Variants in PDGFD observed in about 807,000 individuals in gnomAD.
PDGFD encodes the protein platelet derived growth factor D.
In PDGFD, 30 loss-of-function variants were observed where a neutral mutation model predicts 44.7. The ratio of observed to expected loss-of-function variants is 0.67; its 90% confidence interval spans 0.50 to 0.91. The LOEUF (loss-of-function observed/expected upper bound fraction) is 0.91, where lower values mean the gene tolerates loss of function less well. Among genes scored for constraint, PDGFD ranks in the 40% least tolerant of loss-of-function variants. PDGFD has a pLI of 0.00. For synonymous variants in PDGFD, 173 were observed against 168.4 expected, an observed-to-expected ratio of 1.03 and a Z score of -0.21; for missense variants, 445 against 457.8, an observed-to-expected ratio of 0.97 and a Z score of 0.25.
intron 1 of PDGFD, among the ~76,000 whole-genome samples, chr11:104,011,408 A>T (rs1389367845): frequency 2.0e-5 from 3 of 152,128 alleles, no homozygotes; most frequent in Non-Finnish European, 4.4e-5. Context: ...ATAAATTTTT[A>T]TTAAATTGTA....
chr11:103,918,134 C>T (rs1443899222), intron 6 of PDGFD, among the ~76,000 whole-genome samples: 1 of 151,972 alleles, frequency 6.6e-6, no homozygotes, highest in Non-Finnish European at 1.5e-5. Context: ...GAAGGAATAC[C>T]CTAAGAAAGT....
chr11:104,120,807 T>A (rs1452759174), intron 1 of PDGFD, among the ~76,000 whole-genome samples: 3 of 151,994 alleles, frequency 2.0e-5, no homozygotes, highest in African/African-American at 4.8e-5. Context: ...TTTTTCCCAC[T>A]ATCCTGTCAC....
intron 3 of PDGFD, among the ~76,000 whole-genome samples, chr11:103,968,743 AT>A (rs1178863047): frequency 6.6e-6 from 1 of 152,132 alleles, no homozygotes; most frequent in Non-Finnish European, 1.5e-5. Context: ...CAAAAGCAAA[AT>A]CGAAACATAC....
In PDGFD at chr11:103,926,799, C is replaced by A. The variant is rs1858322098; in HGVS notation, c.987+113G>T. On this transcript the variant is annotated intron_variant, in intron 6 of 6. Transcript: ENST00000393158. ...GGTAGAATTTCTGCTCCTAATCAAA[C>A]CCTGGCTGGGTGCCCTTGTGCAGTG... 3 of 1,128,084 alleles carry A rather than the reference C, an allele frequency of 2.7e-6. No individual in the cohort carries two copies. The East Asian group carries it at 7.7e-5, about 29-fold the overall frequency. 69.9% of individuals were successfully genotyped at this position (1,128,084 alleles called of 1,614,324 possible).
At chr11:104,092,563 C>T (rs567029080) in intron 1 of PDGFD, among the ~76,000 whole-genome samples, 14 of 152,138 alleles carry the variant, frequency 9.2e-5, no homozygotes, top group Non-Finnish European at 1.5e-4. Context: ...GATTACTAGA[C>T]ATCTCTGCCA....
chr11:103,947,306 C>G (rs1321773294), intron 4 of PDGFD, among the ~76,000 whole-genome samples: 4 of 152,140 alleles, frequency 2.6e-5, no homozygotes, highest in Non-Finnish European at 5.9e-5. Context: ...TATTCGAAAG[C>G]TATTTTGAAA....
chr11:104,003,085 C>G (rs1365071964), intron 1 of PDGFD, among the ~76,000 whole-genome samples: 1 of 152,134 alleles, frequency 6.6e-6, no homozygotes, highest in Non-Finnish European at 1.5e-5. Context: ...AAGAATGGTT[C>G]TTGTCTTCGT....
intron 3 of PDGFD, among the ~76,000 whole-genome samples, chr11:103,978,369 G>A (rs1859214644): frequency 6.6e-6 from 1 of 151,914 alleles, no homozygotes. Context: ...CTCTCCTAAT[G>A]TCCCCACACA....
chr11:104,016,120 A>T (rs1397729136), intron 1 of PDGFD, among the ~76,000 whole-genome samples: 1 of 152,146 alleles, frequency 6.6e-6, no homozygotes, highest in Non-Finnish European at 1.5e-5. Context: ...TTTGGCTGCA[A>T]ATTTTACAGA....
intron 1 of PDGFD, among the ~76,000 whole-genome samples, chr11:104,120,732 A>G (rs536834032): frequency 1.3e-5 from 2 of 151,890 alleles, no homozygotes; most frequent in Non-Finnish European, 2.9e-5. Flanking sequence ...TCCTCTTGAA[A>G]TGGTACTTCT....
At chr11:104,044,689 C>T (rs930942950) in intron 1 of PDGFD, among the ~76,000 whole-genome samples, 1 of 152,044 alleles carries the variant, frequency 6.6e-6, no homozygotes, top group African/African-American at 2.4e-5. Context: ...GGCAATATAC[C>T]AAGTGTCTGC....
intron 1 of PDGFD, among the ~76,000 whole-genome samples, chr11:104,123,057 C>T (rs1861799932): frequency 6.6e-6 from 1 of 151,986 alleles, no homozygotes; most frequent in African/African-American, 2.4e-5. Context: ...TTTTCCTCTC[C>T]TTTTAAAGAA....
At chr11:104,048,142 T>C (rs1253429711) in intron 1 of PDGFD, among the ~76,000 whole-genome samples, 1 of 152,088 alleles carries the variant, frequency 6.6e-6, no homozygotes, top group Non-Finnish European at 1.5e-5. Flanking sequence ...TGCATTTTAT[T>C]AACTTTTCTT....
intron 6 of PDGFD, among the ~76,000 whole-genome samples, chr11:103,918,554 A>G (rs778397225): frequency 1.2e-4 from 18 of 152,196 alleles, no homozygotes; most frequent in Non-Finnish European, 1.9e-4. Flanking sequence ...GGATAAGAGC[A>G]AGAGCCTGGG....
chr11:104,128,486 A>G (rs1393601499), intron 1 of PDGFD, among the ~76,000 whole-genome samples: 1 of 152,160 alleles, frequency 6.6e-6, no homozygotes, highest in Non-Finnish European at 1.5e-5. Context: ...TCCCCAGCTG[A>G]GACCCTCTAG....
chr11:104,097,389 T>G (rs1295049811), intron 1 of PDGFD, among the ~76,000 whole-genome samples: 1 of 152,204 alleles, frequency 6.6e-6, no homozygotes, highest in South Asian at 2.1e-4. Flanking sequence ...TAGTCAGATA[T>G]GAGCATTTTC....
rs771188800 is a variant in PDGFD at position 104,105,699 on chromosome 11, A to G, written c.124+58105T>C. On this transcript the variant is annotated intron_variant, in intron 1 of 6. Transcript: ENST00000393158. ...TCAGCTGTGAAAGCCATAATTTCCA[A>G]AATGACAGTAGGAAAATAATGTCTC... Among the ~76,000 whole-genome samples the G allele has an allele frequency of 2.4e-4, 36 of 152,130 alleles. 1 individual carries two copies. Among genetic ancestry groups the G allele is most frequent in the Admixed American group, 1.3e-4 (2 of 15,246 alleles).
At chr11:103,934,117 T>C (rs1858450897) in intron 5 of PDGFD, among the ~76,000 whole-genome samples, 1 of 152,248 alleles carries the variant, frequency 6.6e-6, no homozygotes, top group African/African-American at 2.4e-5. Flanking sequence ...GCCAAGTTCA[T>C]GTCATGATTC....
At chr11:103,954,728 TC>T (rs1175376942) in intron 3 of PDGFD, among the ~76,000 whole-genome samples, 1 of 152,300 alleles carries the variant, frequency 6.6e-6, no homozygotes, top group African/African-American at 2.4e-5. Flanking sequence ...AATAAAGAAA[TC>T]CCTCTCCTAA....
Sources: gnomAD v4.1 joint callset for allele counts (sites outside exome capture counted in the v4.1 genomes callset) on GRCh38, gnomAD v4.1.1 for gene constraint, MANE v1.5 for transcripts, NCBI Gene and HGNC (gene_info 2026-07-23, HGNC 2026-07-21) for gene names.